Variants in GRIK1 observed in about 807,000 individuals in gnomAD.
The protein encoded by GRIK1 is glutamate receptor ionotropic, kainate 1.
GRIK1 carries 69 observed loss-of-function variants against 105.7 expected under a neutral mutation model. The observed-to-expected ratio is 0.65, with a 90% CI of 0.54 to 0.80. The LOEUF is 0.80. GRIK1 is among the 30% of genes least tolerant of loss of function. The probability of loss-of-function intolerance (pLI) is 0.00; values close to 1 mark genes in which losing one functional copy is unlikely to be tolerated. For missense variants in GRIK1, 1,109 were observed against 1,167.3 expected, an observed-to-expected ratio of 0.95 and a Z score of 0.73; for synonymous variants, 438 against 431.3, an observed-to-expected ratio of 1.02 and a Z score of -0.19.
At chr21:29,885,045 T>C (rs956915256) in intron 1 of GRIK1, among the ~76,000 whole-genome samples, 11 of 152,098 alleles carry the variant, frequency 7.2e-5, no homozygotes, top group Admixed American at 4.6e-4. Context: ...CTTGAGTAAA[T>C]GAGAATGAGC....
At chr21:29,692,206 G>A (rs1355839870) in intron 2 of GRIK1, among the ~76,000 whole-genome samples, 1 of 152,216 alleles carries the variant, frequency 6.6e-6, no homozygotes, top group Admixed American at 6.5e-5. Flanking sequence ...TGACAAGTAA[G>A]CCAGGTACTT....
intron 15 of GRIK1, among the ~76,000 whole-genome samples, chr21:29,561,025 G>A (rs1316492772): frequency 6.6e-6 from 1 of 152,072 alleles, no homozygotes; most frequent in East Asian, 1.9e-4. Context: ...TTGCTATATG[G>A]GTCTATATAC....
chr21:29,643,895 G>A (rs1369543035), intron 6 of GRIK1, among the ~76,000 whole-genome samples: 3 of 149,412 alleles, frequency 2.0e-5, no homozygotes, highest in Non-Finnish European at 4.4e-5. Flanking sequence ...GATATTTGTG[G>A]AGGGGCACAC....
chr21:29,791,519 A>G (rs1176534087), intron 1 of GRIK1, among the ~76,000 whole-genome samples: 1 of 151,662 alleles, frequency 6.6e-6, no homozygotes, highest in African/African-American at 2.4e-5. Context: ...TGGGGGGGGA[A>G]TTTAAATAGT....
chr21:29,752,592 G>A (rs7275818), intron 1 of GRIK1, among the ~76,000 whole-genome samples: 5,774 of 152,198 alleles, frequency 0.038, 183 homozygotes, highest in African/African-American at 0.086. Flanking sequence ...TTGAGAGGCC[G>A]AGGTGGGAGG....
intron 1 of GRIK1, among the ~76,000 whole-genome samples, chr21:29,849,611 T>C (rs571999119): frequency 6.6e-6 from 1 of 152,326 alleles, no homozygotes; most frequent in African/African-American, 2.4e-5. Context: ...CCGTTTGTTT[T>C]TAGCAATGTT....
chr21:29,660,085 A>G (rs1425121167), intron 4 of GRIK1, among the ~76,000 whole-genome samples: 1 of 152,238 alleles, frequency 6.6e-6, no homozygotes. Flanking sequence ...ATCCTGGGAC[A>G]CAGTCATTGC....
Position 29,716,815 on chromosome 21 carries a change from A to G in GRIK1, c.119-22752T>C, listed in dbSNP as rs554625122. Among the ~76,000 whole-genome samples the G allele has an allele frequency of 1.4e-4, 21 of 152,374 alleles. No individual in the cohort carries two copies. In the South Asian group the frequency reaches 4.1e-3, roughly 30 times the overall value. On this transcript the variant is annotated intron_variant, in intron 1 of 17. Transcript: ENST00000327783. Reference sequence around the variant, plus strand: ...ATTCAAGTCCACTGCAGAAATTTGAATCAGTAATGAGGAGCTGAATGTTAA... The same window carrying G: ...ATTCAAGTCCACTGCAGAAATTTGAGTCAGTAATGAGGAGCTGAATGTTAA...
chr21:29,846,331 T>C (rs2068111523), intron 1 of GRIK1, among the ~76,000 whole-genome samples: 1 of 138,144 alleles, frequency 7.2e-6, no homozygotes, highest in African/African-American at 2.8e-5. Context: ...GAGGTTGCAG[T>C]GAGCCGAGAT....
intron 1 of GRIK1, among the ~76,000 whole-genome samples, chr21:29,883,206 A>T (rs1003035782): frequency 6.6e-6 from 1 of 152,126 alleles, no homozygotes; most frequent in African/African-American, 2.4e-5. Context: ...GTATTTGTAT[A>T]TTCTACAAAA....
At chr21:29,870,580 A>T (rs2068973563) in intron 1 of GRIK1, among the ~76,000 whole-genome samples, 1 of 151,900 alleles carries the variant, frequency 6.6e-6, no homozygotes, top group Admixed American at 6.6e-5. Context: ...AAAATACGCC[A>T]TTTCATTGTA....
chr21:29,860,914 TA>T (rs2068615994), intron 1 of GRIK1, among the ~76,000 whole-genome samples: 1 of 152,112 alleles, frequency 6.6e-6, no homozygotes, highest in Non-Finnish European at 1.5e-5. Context: ...AGAAAAACAT[TA>T]ATTTTAACTA....
chr21:29,736,611 G>A (rs2064797541), intron 1 of GRIK1, among the ~76,000 whole-genome samples: 1 of 151,906 alleles, frequency 6.6e-6, no homozygotes, highest in Non-Finnish European at 1.5e-5. Context: ...TTATGAAAGG[G>A]AAAGTTTACT....
intron 1 of GRIK1, among the ~76,000 whole-genome samples, chr21:29,937,290 A>T (rs1016371235): frequency 6.6e-6 from 1 of 152,220 alleles, no homozygotes; most frequent in Non-Finnish European, 1.5e-5. Context: ...ACGGGGCAAC[A>T]GTGCTCATGT....
At chr21:29,907,263 T>G (rs2070676975) in intron 1 of GRIK1, among the ~76,000 whole-genome samples, 1 of 152,118 alleles carries the variant, frequency 6.6e-6, no homozygotes, top group Non-Finnish European at 1.5e-5. Context: ...TGCTTTTACC[T>G]GTTACTTTTT....
At chr21:29,929,912 C>A (rs2071509355) in intron 1 of GRIK1, among the ~76,000 whole-genome samples, 1 of 152,156 alleles carries the variant, frequency 6.6e-6, no homozygotes, top group African/African-American at 2.4e-5. Flanking sequence ...GCAGAGTCAA[C>A]CTAAGTGTCC....
intron 1 of GRIK1, among the ~76,000 whole-genome samples, chr21:29,801,588 G>C (rs114588498): frequency 1.3e-5 from 2 of 152,194 alleles, no homozygotes; most frequent in African/African-American, 4.8e-5. Flanking sequence ...AGTAAAAAAA[G>C]ATTCAGCATG....
At chr21:29,861,589 G>T in intron 1 of GRIK1, 2 of 377,140 alleles carry the variant, frequency 5.3e-6, no homozygotes, top group South Asian at 4.2e-5. Flanking sequence ...TTATAGGTGT[G>T]AGCCAACACG....
At chr21:29,751,895 C>T (rs1280744797) in intron 1 of GRIK1, among the ~76,000 whole-genome samples, 1 of 152,214 alleles carries the variant, frequency 6.6e-6, no homozygotes, top group Non-Finnish European at 1.5e-5. Context: ...AGCTGTCTTT[C>T]CTACCTGCCT....
Sources: gnomAD v4.1 joint callset for allele counts (sites outside exome capture counted in the v4.1 genomes callset) on GRCh38, gnomAD v4.1.1 for gene constraint, MANE v1.5 for transcripts, NCBI Gene and HGNC (gene_info 2026-07-23, HGNC 2026-07-21) for gene names.